The following SBNO1 variants were observed in gnomAD, a reference collection of about 807,000 sequenced individuals.
The protein encoded by SBNO1 is protein strawberry notch homolog 1.
In SBNO1, 23 loss-of-function variants were observed where a neutral mutation model predicts 173.6. The observed-to-expected ratio is 0.13, with a 90% CI of 0.10 to 0.19. The LOEUF (loss-of-function observed/expected upper bound fraction) is 0.19, where lower values mean the gene tolerates loss of function less well. SBNO1 is among the 10% of genes least tolerant of loss of function. SBNO1 has a pLI of 1.00. For synonymous variants in SBNO1, 632 were observed against 571.5 expected, an observed-to-expected ratio of 1.11 and a Z score of -1.51; for missense variants, 1,238 against 1,671.2, an observed-to-expected ratio of 0.74 and a Z score of 4.52.
rs1482227698 is a variant in SBNO1 at position 123,291,292 on chromosome 12, G to A, written c.*4616C>T. On this transcript the variant is annotated 3_prime_UTR_variant, in exon 32 of 32. Coordinates refer to ENST00000602398, the MANE Select transcript of SBNO1 (RefSeq NM_001167856.3). ...GATTTTCCTATCAGGTGGGAAGACA[G>A]AGATAAGAAATATGGTAAGGCCTGA... is the stretch of plus-strand genomic sequence containing the variant. 2 of 152,214 alleles carry A rather than the reference G, an allele frequency of 1.3e-5. No homozygotes were observed. Among genetic ancestry groups the A allele is most frequent in the East Asian group, 3.8e-4 (2 of 5,204 alleles). 9.4% of individuals were successfully genotyped at this position (152,214 alleles called of 1,614,324 possible). A position where few individuals can be genotyped will look rare whatever the true frequency, so the allele number is the denominator to read the frequency against.
intron 1 of SBNO1, among the ~76,000 whole-genome samples, chr12:123,358,709 C>G (rs1180924348): frequency 7.5e-6 from 1 of 133,400 alleles, no homozygotes; most frequent in Non-Finnish European, 1.5e-5. Flanking sequence ...CGCCACTGCA[C>G]TCCAGCCAGG....
chr12:123,312,107 T>C lies in SBNO1; in HGVS notation c.3221-978A>G, dbSNP rs1450032192. Among the ~76,000 whole-genome samples, 3 of 149,488 alleles carry C rather than the reference T, an allele frequency of 2.0e-5. No individual in the cohort carries two copies. In the East Asian group the frequency reaches 5.9e-4, roughly 29 times the overall value. On this transcript the variant is annotated intron_variant, in intron 24 of 31. Transcript: ENST00000602398. ...TTTTTTTTTTTTTTCTGAGACAGGGTCTCTCTCACCAGTCTGGAATGCAGT... is the reference window on the plus strand; with the variant it reads ...TTTTTTTTTTTTTTCTGAGACAGGGCCTCTCTCACCAGTCTGGAATGCAGT...
rs1873023434 is a variant in SBNO1 at position 123,345,564 on chromosome 12, G to A, written c.244C>T (p.Pro82Ser). Residue 82 changes from proline to serine, a missense_variant, in exon 4 of 32, where the codon CCT becomes TCT. This residue lies in a region of SBNO1 where 287 missense variants were observed against 274.1 expected (regional missense o/e 1.05). Coordinates refer to ENST00000602398, the MANE Select transcript of SBNO1 (RefSeq NM_001167856.3). Reference protein sequence around the residue: ...TPALLNVRQQPPSTTTFVLNQ... With the variant: ...TPALLNVRQQSPSTTTFVLNQ... ...AGCACAAATGTTGTAGTAGATGGAG[G>A]CTGCTGCTAGATAGAAAACAAAAAA... The A allele has an allele frequency of 6.2e-7, 1 of 1,612,220 alleles. No homozygotes were observed. The highest frequency in any genetic ancestry group is 1.1e-5 in the South Asian group (1 of 91,034).
chr12:123,314,058 T>C (rs2138938959), intron 23 of SBNO1, among the ~76,000 whole-genome samples: 1 of 152,156 alleles, frequency 6.6e-6, no homozygotes, highest in South Asian at 2.1e-4. Flanking sequence ...TGCTCCAGCC[T>C]GGGCGACAAG....
chr12:123,317,387 T>C, intron 20 of SBNO1, 31 bp from the exon 21 acceptor site: 1 of 1,610,986 alleles, frequency 6.2e-7, no homozygotes, highest in South Asian at 1.1e-5. Context: ...ATAAAGTCAC[T>C]TTTGCATAAG....
chr12:123,361,472 C>T (rs1875161748), intron 1 of SBNO1, among the ~76,000 whole-genome samples: 2 of 148,482 alleles, frequency 1.3e-5, no homozygotes, highest in Admixed American at 6.7e-5. Context: ...GACTTGAACC[C>T]GGGAGGGGGA....
chr12:123,312,492 A>C (rs1362095566), intron 24 of SBNO1, among the ~76,000 whole-genome samples: 1 of 152,100 alleles, frequency 6.6e-6, no homozygotes, highest in Non-Finnish European at 1.5e-5. Flanking sequence ...TGGGAGGATC[A>C]CATGCGGCCA....
intron 15 of SBNO1, among the ~76,000 whole-genome samples, chr12:123,324,872 G>C (rs902276129): frequency 6.6e-6 from 1 of 151,308 alleles, no homozygotes; most frequent in South Asian, 2.1e-4. Context: ...GGAGTGGTGC[G>C]ATCTTGGCTC....
rs532251869 is a variant in SBNO1, at chr12:123,332,643, T to C, written c.910-1268A>G. ...GTGCAGTGGCACAATCTCAGCTCAC[T>C]GCAACCTCCACCTCCTGGGTTCAAG... On this transcript the variant is annotated intron_variant, in intron 7 of 31. Transcript: ENST00000602398. Among the ~76,000 whole-genome samples, 8 of 151,892 alleles carry C rather than the reference T, an allele frequency of 5.3e-5. No homozygotes were observed. In the East Asian group the frequency reaches 1.2e-3, roughly 22 times the overall value.
At chr12:123,299,693 A>AAAAAC (rs1566020227) in intron 30 of SBNO1, among the ~76,000 whole-genome samples, 3 of 150,850 alleles carry the variant, frequency 2.0e-5, no homozygotes, top group South Asian at 2.1e-4. Context: ...AAAAAAAAAA[A>AAAAAC]AAAAAACAAA....
chr12:123,296,988 G>A (rs962299741), intron 31 of SBNO1, among the ~76,000 whole-genome samples: 2 of 151,820 alleles, frequency 1.3e-5, no homozygotes, highest in African/African-American at 4.8e-5. Flanking sequence ...GAACTACCAT[G>A]CCCAGCTGAT....
chr12:123,313,270 T>C (rs1379187361), intron 24 of SBNO1, among the ~76,000 whole-genome samples: 1 of 148,272 alleles, frequency 6.7e-6, no homozygotes, highest in Non-Finnish European at 1.5e-5. Context: ...TAAAAAAGAC[T>C]CGGTCTTAAA....
chr12:123,309,649 G>C, intron 26 of SBNO1, 61 bp downstream of exon 26: 1 of 1,600,956 alleles, frequency 6.2e-7, no homozygotes. Context: ...CACGTTTAAA[G>C]AATTTCTCCA....
intron 13 of SBNO1, 73 bp downstream of exon 13, chr12:123,327,353 G>T: frequency 8.6e-6 from 11 of 1,281,456 alleles, no homozygotes; most frequent in Non-Finnish European, 1.2e-5. Flanking sequence ...AGGAGGCATC[G>T]CAATCGCCAA....
At chr12:123,364,842 GCCCCTCCCCCAGCCC>G (rs1210514709) in exon 1 of SBNO1, 5 of 930,280 alleles carry the variant, frequency 5.4e-6, no homozygotes, top group African/African-American at 1.8e-5. Flanking sequence ...CCATCTTGAC[GCCCCTCCCCCAGCCC>G]CCCCGCCCCG....
In SBNO1 at chr12:123,334,225, T is replaced by A; in HGVS notation, c.749-12A>T. The A allele has an allele frequency of 6.7e-7, 1 of 1,491,376 alleles. No individual in the cohort carries two copies. Among genetic ancestry groups the A allele is most frequent in the Admixed American group, 2.2e-5 (1 of 46,228 alleles). 92.4% of individuals were successfully genotyped at this position (1,491,376 alleles called of 1,614,324 possible). A position where few individuals can be genotyped will look rare whatever the true frequency, so the allele number is the denominator to read the frequency against. ...TAGGCCAATTTTTACTAAACAAAAA[T>A]GTAAAAACATTTTATTTTAATTATT... On this transcript the variant is annotated splice_polypyrimidine_tract_variant and intron_variant, in intron 6 of 31. Transcript: ENST00000602398.
intron 4 of SBNO1, among the ~76,000 whole-genome samples, chr12:123,342,657 C>G (rs1422461944): frequency 6.6e-6 from 1 of 152,176 alleles, no homozygotes; most frequent in Non-Finnish European, 1.5e-5. Flanking sequence ...GGTTTTCAAA[C>G]TCTTTTAAAT....
Position 123,302,035 on chromosome 12 carries a change from G to C in SBNO1, c.3845+789C>G, listed in dbSNP as rs1024723211. Among the ~76,000 whole-genome samples the C allele has an allele frequency of 2.6e-5, 4 of 151,890 alleles. No homozygotes were observed. In the South Asian group the frequency reaches 8.3e-4, roughly 32 times the overall value. ...GGCTCACCACAACCTCCGCCTCCCG[G>C]GTTCAAACAATTCTGCCTCGGCCTC... On this transcript the variant is annotated intron_variant, in intron 30 of 31. Transcript: ENST00000602398.
chr12:123,301,729 G>A (rs1342710094), intron 30 of SBNO1, among the ~76,000 whole-genome samples: 1 of 152,064 alleles, frequency 6.6e-6, no homozygotes. Context: ...CCCTAGATCT[G>A]GGACACCAGT....
Sources: gnomAD v4.1 joint callset for allele counts (sites outside exome capture counted in the v4.1 genomes callset) on GRCh38, gnomAD v4.1.1 for gene constraint, gnomAD v4.1.1 regional missense constraint, MANE v1.5 for transcripts, NCBI Gene and HGNC (gene_info 2026-07-23, HGNC 2026-07-21) for gene names.